The following ARHGAP21 variants were observed in gnomAD, a reference collection of about 807,000 sequenced individuals.
The protein encoded by ARHGAP21 is rho GTPase-activating protein 21.
Under a neutral mutation model 164.6 loss-of-function variants are expected in ARHGAP21, and 38 were observed. That is an observed-to-expected ratio of 0.23 (90% CI 0.18 to 0.30). The LOEUF (loss-of-function observed/expected upper bound fraction) is 0.30. ARHGAP21 is among the 10% of genes least tolerant of loss of function. The probability of loss-of-function intolerance (pLI) is 1.00; values close to 1 mark genes in which losing one functional copy is unlikely to be tolerated. For missense variants in ARHGAP21, 1,822 were observed against 2,370.7 expected, an observed-to-expected ratio of 0.77 and a Z score of 4.81; for synonymous variants, 766 against 857.9, an observed-to-expected ratio of 0.89 and a Z score of 1.87.
intron 19 of ARHGAP21, 81 bp downstream of exon 19, chr10:24,595,636 C>T: frequency 7.1e-7 from 1 of 1,403,746 alleles, no homozygotes; most frequent in Non-Finnish European, 9.9e-7. Flanking sequence ...ACATTTTGTC[C>T]TTGTTCAATT....
Position 24,711,050 on chromosome 10 carries a change from C to T in ARHGAP21, c.63+10787G>A, listed in dbSNP as rs565751258. On this transcript the variant is annotated intron_variant, in intron 2 of 25. Coordinates refer to ENST00000396432, the MANE Select transcript of ARHGAP21 (RefSeq NM_020824.4). Reference sequence around the variant, plus strand: ...CAGAGGTTGCAGTGATCCAAGATCGCGCCACTGCACTCCAGCCTGGGCAAT... The same window carrying T: ...CAGAGGTTGCAGTGATCCAAGATCGTGCCACTGCACTCCAGCCTGGGCAAT... 8.5e-5 allele frequency among the ~76,000 whole-genome samples: 12 copies of T among 141,870 alleles called. No homozygotes were observed. In the South Asian group the frequency reaches 9.3e-4, roughly 11 times the overall value. 93.1% of individuals were successfully genotyped at this position (141,870 alleles called of 152,430 possible).
chr10:24,611,560 T>C (rs1356562507), intron 9 of ARHGAP21, among the ~76,000 whole-genome samples: 1 of 151,822 alleles, frequency 6.6e-6, no homozygotes, highest in African/African-American at 2.4e-5. Flanking sequence ...AAAAATTAGC[T>C]GGGCATGGTG....
intron 21 of ARHGAP21, 106 bp downstream of exon 21, chr10:24,594,844 T>G (rs61854258): frequency 0.52 from 440,411 of 845,790 alleles, 116,726 homozygotes; most frequent in African/African-American, 0.58. Flanking sequence ...CCCAGTTTGA[T>G]GTTGAATTAC....
intron 15 of ARHGAP21, 98 bp from the exon 16 acceptor site, chr10:24,597,681 G>A: frequency 2.0e-6 from 3 of 1,506,394 alleles, no homozygotes; most frequent in Non-Finnish European, 2.7e-6. Flanking sequence ...AATATTAACT[G>A]GAAAATTCTT....
At chr10:24,592,467 C>T (rs1481441724) in intron 21 of ARHGAP21, among the ~76,000 whole-genome samples, 1 of 151,586 alleles carries the variant, frequency 6.6e-6, no homozygotes, top group African/African-American at 2.4e-5. Flanking sequence ...TGGTTCAAAA[C>T]GAGGGTTACC....
At chr10:24,590,600 A>C in intron 24 of ARHGAP21, 1 of 1,413,574 alleles carries the variant, frequency 7.1e-7, no homozygotes, top group East Asian at 2.5e-5. Flanking sequence ...AGATTAGTGC[A>C]ACAGTTTGGC....
At chr10:24,722,940 C>T (rs1000930943) in intron 1 of ARHGAP21, among the ~76,000 whole-genome samples, 1 of 152,008 alleles carries the variant, frequency 6.6e-6, no homozygotes, top group Non-Finnish European at 1.5e-5. Flanking sequence ...GAAGTCGCGG[C>T]TTTTCCCCCA....
chr10:24,599,120 A>C (rs1012870223), intron 14 of ARHGAP21, among the ~76,000 whole-genome samples: 2 of 152,180 alleles, frequency 1.3e-5, no homozygotes, highest in Admixed American at 6.6e-5. Flanking sequence ...ACATTAAGTA[A>C]ATGTTTATTA....
At chr10:24,621,516 C>T (rs1402218624) in intron 8 of ARHGAP21, 147 bp from the exon 9 acceptor site, 1 of 676,766 alleles carries the variant, frequency 1.5e-6, no homozygotes, top group African/African-American at 1.8e-5. Flanking sequence ...CATAAGGGTA[C>T]TCTACAAATC....
At chr10:24,718,621 G>A (rs192935449) in intron 2 of ARHGAP21, among the ~76,000 whole-genome samples, 1 of 152,296 alleles carries the variant, frequency 6.6e-6, no homozygotes, top group East Asian at 1.9e-4. Flanking sequence ...AAACTGTCCA[G>A]CATTCCAGAA....
Position 24,586,081 on chromosome 10 carries a change from T to C in ARHGAP21, c.4208A>G (p.Gln1403Arg). The change falls in exon 26 of 26, where the codon CAG becomes CGG. Residue 1403 changes from glutamine to arginine, a missense_variant. Physicochemically the swap from Gln to Arg is conservative, Grantham distance 43. Transcript: ENST00000396432. ...GGACACAAGCAGTTCCCTGCTATAC[T>C]GATCCTTTCCAGATCCCCAAGAACC... ...SKGSWGSGKD[Q>R]YSRELLVSSI... 6.2e-7 allele frequency: 1 copy of C among 1,603,876 alleles called. No homozygotes were observed. The highest frequency in any genetic ancestry group is 1.3e-5 in the African/African-American group (1 of 74,344).
chr10:24,604,380 ATTAGTGC>A, intron 11 of ARHGAP21, 32 bp from the exon 12 acceptor site: 1 of 1,473,560 alleles, frequency 6.8e-7, no homozygotes, highest in Admixed American at 1.9e-5. Flanking sequence ...AATATTTTCA[ATTAGTGC>A]AAAAAAAATC....
chr10:24,659,540 C>T (rs1839455480), intron 4 of ARHGAP21, among the ~76,000 whole-genome samples: 1 of 152,184 alleles, frequency 6.6e-6, no homozygotes, highest in African/African-American at 2.4e-5. Flanking sequence ...GTCTCGAACT[C>T]CCAACCTCAG....
intron 4 of ARHGAP21, among the ~76,000 whole-genome samples, chr10:24,661,016 G>C (rs943523851): frequency 1.3e-5 from 2 of 151,862 alleles, no homozygotes; most frequent in Non-Finnish European, 2.9e-5. Context: ...ACCAGTCCCA[G>C]CTGCCGAAAG....
chr10:24,628,952 C>CACTATATA (rs1554977802), intron 7 of ARHGAP21: 1 of 13,764 alleles, frequency 7.3e-5, no homozygotes, highest in Admixed American at 1.9e-3. Context: ...CACACACACA[C>CACTATATA]TATATATATA....
chr10:24,592,118 C>A, intron 21 of ARHGAP21, 106 bp from the exon 22 acceptor site: 1 of 967,540 alleles, frequency 1.0e-6, no homozygotes, highest in Non-Finnish European at 1.4e-6. Flanking sequence ...AGAAAAATAG[C>A]TTTGATGTAG....
At chr10:24,686,013 C>T (rs183240287) in intron 2 of ARHGAP21, among the ~76,000 whole-genome samples, 2 of 152,304 alleles carry the variant, frequency 1.3e-5, no homozygotes, top group East Asian at 3.9e-4. Flanking sequence ...TATAAACCTA[C>T]TTGGCAATAT....
Position 24,585,205 on chromosome 10 carries a change from T to C in ARHGAP21, c.5084A>G (p.His1695Arg), listed in dbSNP as rs772490575. Residue 1695 changes from histidine to arginine, a missense_variant, in exon 26 of 26, where the codon CAT (histidine) becomes CGT (arginine). Coordinates refer to ENST00000396432, the MANE Select transcript of ARHGAP21 (RefSeq NM_020824.4). ...LDSRRQLFSSHKLIECDTLSR... is the reference protein window; with the variant it reads ...LDSRRQLFSSRKLIECDTLSR... ...AAGAGTATCACATTCGATGAGTTTA[T>C]GGGAACTGAAGAGCTGTCTCCGGCT... 6.2e-7 allele frequency: 1 copy of C among 1,607,284 alleles called. No individual in the cohort carries two copies. The highest frequency in any genetic ancestry group is 1.7e-5 in the Admixed American group (1 of 59,936).
At chr10:24,633,627 A>G in intron 5 of ARHGAP21, 147 bp from the exon 6 acceptor site, 1 of 487,534 alleles carries the variant, frequency 2.1e-6, no homozygotes. Flanking sequence ...AATTATTAGT[A>G]TCATAATTAT....
Sources: gnomAD v4.1 joint callset for allele counts (sites outside exome capture counted in the v4.1 genomes callset) on GRCh38, gnomAD v4.1.1 for gene constraint, MANE v1.5 for transcripts, NCBI Gene and HGNC (gene_info 2026-07-23, HGNC 2026-07-21) for gene names.